VMP1: variants seen among roughly 807,000 people sequenced by gnomAD.
The protein encoded by VMP1 is vacuole membrane protein 1, also known as ectopic P-granules autophagy protein 3 homolog.
VMP1 carries 11 observed loss-of-function variants against 56.0 expected under a neutral mutation model. The observed-to-expected ratio is 0.20, with a 90% CI of 0.12 to 0.32. VMP1 has a LOEUF of 0.32. Among genes scored for constraint, VMP1 ranks in the 10% least tolerant of loss-of-function variants. VMP1 has a pLI of 1.00. For synonymous variants in VMP1, 149 were observed against 165.0 expected, an observed-to-expected ratio of 0.90 and a Z score of 0.74; for missense variants, 296 against 490.3, an observed-to-expected ratio of 0.60 and a Z score of 3.74.
At chr17:59,807,290 C>T (rs554573359) in intron 7 of VMP1, among the ~76,000 whole-genome samples, 2 of 151,524 alleles carry the variant, frequency 1.3e-5, no homozygotes, top group South Asian at 4.2e-4. Flanking sequence ...CTCTGCCTCC[C>T]GGGTTTGCAC....
chr17:59,817,540 C>T (rs1051713224), intron 9 of VMP1, among the ~76,000 whole-genome samples, 172 bp from the exon 10 acceptor site: 7 of 151,438 alleles, frequency 4.6e-5, no homozygotes, highest in Non-Finnish European at 7.4e-5. Flanking sequence ...TTAGTAGAGA[C>T]GGGGTTTCAC....
At chr17:59,720,616 A>G (rs2034352267) in intron 1 of VMP1, among the ~76,000 whole-genome samples, 1 of 152,170 alleles carries the variant, frequency 6.6e-6, no homozygotes, top group African/African-American at 2.4e-5. Context: ...AAAATATTAA[A>G]CAGCATGGAG....
At chr17:59,825,149 C>T (rs2038605489) in intron 10 of VMP1, among the ~76,000 whole-genome samples, 1 of 128,898 alleles carries the variant, frequency 7.8e-6, no homozygotes, top group African/African-American at 3.0e-5. Context: ...CGCTGTGGTG[C>T]AATCTCGACC....
intron 10 of VMP1, among the ~76,000 whole-genome samples, chr17:59,833,136 T>C (rs1273566997): frequency 6.6e-6 from 1 of 152,102 alleles, no homozygotes; most frequent in Non-Finnish European, 1.5e-5. Flanking sequence ...TAAATTAATC[T>C]TAAGTGTCAG....
chr17:59,729,672 TC>T (rs1476983631), intron 1 of VMP1: 2 of 149,690 alleles, frequency 1.3e-5, no homozygotes, highest in African/African-American at 4.9e-5. Flanking sequence ...GTTATTATTA[TC>T]TTTTTTTTGT....
At chr17:59,708,823 A>C (rs1338729018) in intron 1 of VMP1, among the ~76,000 whole-genome samples, 1 of 152,198 alleles carries the variant, frequency 6.6e-6, no homozygotes, top group African/African-American at 2.4e-5. Context: ...ATTGTAGCTT[A>C]TGTTTTTACT....
chr17:59,782,868 G>A (rs1490023461), intron 7 of VMP1, among the ~76,000 whole-genome samples: 1 of 152,110 alleles, frequency 6.6e-6, no homozygotes, highest in Non-Finnish European at 1.5e-5. Context: ...GCTTTGCCAT[G>A]TGCTTTCCAA....
intron 4 of VMP1, among the ~76,000 whole-genome samples, 180 bp from the exon 5 acceptor site, chr17:59,738,656 AT>A (rs1004648724): frequency 1.3e-5 from 2 of 152,082 alleles, no homozygotes; most frequent in East Asian, 1.9e-4. Flanking sequence ...AGTTAGATTA[AT>A]TTTTTTGTCA....
At chr17:59,717,582 A>C (rs925374487) in intron 1 of VMP1, among the ~76,000 whole-genome samples, 2 of 151,828 alleles carry the variant, frequency 1.3e-5, no homozygotes, top group Non-Finnish European at 2.9e-5. Flanking sequence ...AGGGTTCCAC[A>C]GTGTTGGCCA....
At chr17:59,817,655 T>G in intron 9 of VMP1, 57 bp from the exon 10 acceptor site, 1 of 1,343,184 alleles carries the variant, frequency 7.4e-7, no homozygotes, top group Non-Finnish European at 1.1e-6. Context: ...GAATTGTGAA[T>G]TTATGTTGGT....
chr17:59,808,173 G>A (rs2037916225), intron 7 of VMP1, among the ~76,000 whole-genome samples: 1 of 152,164 alleles, frequency 6.6e-6, no homozygotes, highest in African/African-American at 2.4e-5. Flanking sequence ...GTCCCTAACT[G>A]ACATTATGAT....
At chr17:59,782,382 T>C (rs2036855439) in intron 7 of VMP1, among the ~76,000 whole-genome samples, 1 of 152,226 alleles carries the variant, frequency 6.6e-6, no homozygotes, top group African/African-American at 2.4e-5. Flanking sequence ...TAGTTTTGTC[T>C]TATATTTTGT....
At chr17:59,709,648 T>A (rs2033830301) in intron 1 of VMP1, among the ~76,000 whole-genome samples, 1 of 152,250 alleles carries the variant, frequency 6.6e-6, no homozygotes, top group Admixed American at 6.5e-5. Context: ...TTTTCTGAGA[T>A]GATCTTTGCC....
intron 7 of VMP1, among the ~76,000 whole-genome samples, chr17:59,795,407 G>C (rs2037403751): frequency 6.9e-6 from 1 of 144,046 alleles, no homozygotes; most frequent in African/African-American, 2.6e-5. Flanking sequence ...GTGAACCACT[G>C]TGCCTGGCCG....
At position 59,830,129 on chromosome 17, in the gene VMP1, G is replaced by A. The variant is rs1050761032; in HGVS notation, c.975-8166G>A. 1.2e-4 allele frequency among the ~76,000 whole-genome samples: 19 copies of A among 152,102 alleles called. No homozygotes were observed. The East Asian group carries it at 3.7e-3, about 29-fold the overall frequency. Reference sequence around the variant, plus strand: ...TGGGCTATCCAGATTTGGTGGGGGCGGGGACAGGGGCTAGCTCTGTTGCCC... The same window carrying A: ...TGGGCTATCCAGATTTGGTGGGGGCAGGGACAGGGGCTAGCTCTGTTGCCC... On this transcript the variant is annotated intron_variant, in intron 10 of 11. Transcript: ENST00000262291.
chr17:59,722,592 A>G (rs533788974), intron 1 of VMP1, among the ~76,000 whole-genome samples: 1 of 152,230 alleles, frequency 6.6e-6, no homozygotes, highest in African/African-American at 2.4e-5. Flanking sequence ...CATAACCCCA[A>G]CACTTTGGAA....
chr17:59,714,046 G>GAAAAAAA (rs771155795), intron 1 of VMP1, among the ~76,000 whole-genome samples: 1 of 61,780 alleles, frequency 1.6e-5, no homozygotes, highest in African/African-American at 5.0e-5. Flanking sequence ...GTCTTAAAAG[G>GAAAAAAA]AAAAAAAAAA....
intron 5 of VMP1, among the ~76,000 whole-genome samples, chr17:59,746,679 C>T (rs139705792): frequency 1.3e-5 from 2 of 152,200 alleles, no homozygotes; most frequent in East Asian, 3.9e-4. Flanking sequence ...GACCAAGTAC[C>T]TAGCCCAGAG....
intron 7 of VMP1, among the ~76,000 whole-genome samples, chr17:59,789,073 G>A (rs1341802151): frequency 2.0e-5 from 3 of 151,216 alleles, no homozygotes; most frequent in Non-Finnish European, 4.4e-5. Context: ...GGTGGATCAC[G>A]AGGTCAGGAG....
Sources: allele counts gnomAD v4.1 joint callset (sites outside exome capture counted in the v4.1 genomes callset), GRCh38; gene constraint gnomAD v4.1.1; transcripts MANE v1.5; gene names NCBI Gene and HGNC (gene_info 2026-07-23, HGNC 2026-07-21).